Variants in C15orf39 observed in about 807,000 individuals in gnomAD.
C15orf39 encodes PRMT2 interacting protein, also known as uncharacterized protein C15orf39.
A neutral mutation model predicts 53.9 loss-of-function variants in C15orf39; 24 were observed. The ratio of observed to expected loss-of-function variants is 0.45; its 90% CI spans 0.32 to 0.63. The LOEUF (loss-of-function observed/expected upper bound fraction) is 0.63, where lower values mean the gene tolerates loss of function less well. C15orf39 is among the 20% of genes least tolerant of loss of function. The pLI is 0.04. For synonymous variants in C15orf39, 569 were observed against 576.5 expected, an observed-to-expected ratio of 0.99 and a Z score of 0.19; for missense variants, 1,271 against 1,347.9, an observed-to-expected ratio of 0.94 and a Z score of 0.89.
intron 1 of C15orf39, among the ~76,000 whole-genome samples, chr15:75,203,170 C>T (rs1231351087): frequency 6.6e-6 from 1 of 152,258 alleles, no homozygotes; most frequent in Admixed American, 6.5e-5. Flanking sequence ...TCTTCCTGGT[C>T]TTTGCCATCG....
intron 1 of C15orf39, among the ~76,000 whole-genome samples, chr15:75,204,466 T>TTTTTC (rs537607946): frequency 2.8e-4 from 43 of 152,262 alleles, no homozygotes; most frequent in African/African-American, 8.4e-4. Flanking sequence ...TCCCTGGACT[T>TTTTTC]TTTTCTTTTC....
Position 75,208,700 on chromosome 15 carries a change from G to T in C15orf39, c.2652G>T (p.Leu884=). The T allele has an allele frequency of 6.2e-7, 1 of 1,607,264 alleles. No individual in the cohort carries two copies. Residue 884 remains leucine, a synonymous_variant, in exon 2 of 3, where the codon CTG becomes CTT. Transcript: ENST00000394987. ...RPTTLSEERA[L]RELALPGCTS... The stretch of plus-strand genomic sequence containing the variant: ...CCACGCTGTCGGAGGAGCGGGCACT[G>T]CGGGAGCTCGCCCTGCCAGGCTGCA...
chr15:75,208,588 A>T lies in C15orf39; in HGVS notation c.2540A>T (p.His847Leu). 1 of 1,578,638 alleles carries T rather than the reference A, an allele frequency of 6.3e-7. No individual in the cohort carries two copies. The highest frequency in any genetic ancestry group is 8.6e-7 in the Non-Finnish European group (1 of 1,162,874). The change falls in exon 2 of 3, where the codon CAC becomes CTC. Residue 847 changes from histidine to leucine, a missense_variant. This residue lies in a region of C15orf39 where 277 missense variants were observed against 354.1 expected (regional missense o/e 0.78). Transcript: ENST00000394987. The part of the protein sequence containing the change: ...VRAGAIFVPI[H>L]LVKERLFPRL... ...GCTGGCGCCATCTTCGTGCCCATTC[A>T]CCTGGTGAAGGAGCGGCTCTTCCCT... is the stretch of plus-strand genomic sequence containing the variant.
At chr15:75,200,444 GA>G (rs1422155010), upstream of C15orf39, among the ~76,000 whole-genome samples, 1 of 152,176 alleles carries the variant, frequency 6.6e-6, no homozygotes, top group African/African-American at 2.4e-5. Flanking sequence ...CAAGGGCTAA[GA>G]ACACAGCCCT....
At chr15:75,210,180 G>T (rs1245812845) in intron 2 of C15orf39, among the ~76,000 whole-genome samples, 1 of 152,184 alleles carries the variant, frequency 6.6e-6, no homozygotes, top group Non-Finnish European at 1.5e-5. Flanking sequence ...ATTGAGACCA[G>T]GCTTCTGGCT....
chr15:75,207,950 C>A lies in C15orf39; in HGVS notation c.1902C>A (p.Thr634=). ...EAPGLPGVPV[T]TDAMPRTNFH... ...CAGGCTTGCCTGGGGTGCCAGTGAC[C>A]ACAGATGCCATGCCAAGGACCAACT... is the stretch of plus-strand genomic sequence containing the variant. Residue 634 remains threonine, a synonymous_variant, in exon 2 of 3, where the codon ACC becomes ACA. Transcript: ENST00000394987. 1 of 1,613,886 alleles carries A rather than the reference C, an allele frequency of 6.2e-7. No homozygotes were observed. Among genetic ancestry groups the A allele is most frequent in the East Asian group, 2.2e-5 (1 of 44,886 alleles).
At chr15:75,203,994 AG>A (rs201909106) in intron 1 of C15orf39, among the ~76,000 whole-genome samples, 2,910 of 152,206 alleles carry the variant, frequency 0.019, 84 homozygotes, top group African/African-American at 0.065. Context: ...GAGATGAACC[AG>A]CTTGCTTTCT....
chr15:75,208,568 C>T lies in C15orf39; in HGVS notation c.2520C>T (p.Gly840=), dbSNP rs748746702. 6.4e-6 allele frequency: 10 copies of T among 1,573,078 alleles called. No homozygotes were observed. The highest frequency in any genetic ancestry group is 1.7e-4 in the Middle Eastern group (1 of 6,008). ...CCTTCCCCCATGTGGTGCGAGCTGG[C>T]GCCATCTTCGTGCCCATTCACCTGG... ...RCPFPHVVRA[G]AIFVPIHLVK... Residue 840 remains glycine (G), a synonymous_variant, in exon 2 of 3, where the codon GGC becomes GGT. Transcript: ENST00000394987.
Position 75,207,279 on chromosome 15 carries a change from G to A in C15orf39, c.1231G>A (p.Gly411Ser), listed in dbSNP as rs139440190. Residue 411 changes from glycine to serine, a missense_variant, in exon 2 of 3, where the codon GGT becomes AGT. Gly to Ser is a moderately conservative substitution (Grantham distance 56). Coordinates refer to ENST00000394987, the MANE Select transcript of C15orf39 (RefSeq NM_015492.5). The stretch of plus-strand genomic sequence containing the variant: ...CAATGTGCGGGCTGTGCCACAGCCT[G>A]GTGCCTTCCAGAGGGCATGCCAGCC... ...QNNVRAVPQPGAFQRACQPLP... is the reference protein window; with the variant it reads ...QNNVRAVPQPSAFQRACQPLP... 1.5e-5 allele frequency: 25 copies of A among 1,613,202 alleles called. No individual in the cohort carries two copies. Among genetic ancestry groups the A allele is most frequent in the African/African-American group, 8.0e-5 (6 of 74,868 alleles).
rs146168694 is a variant in C15orf39, at chr15:75,207,788, G to A, written c.1740G>A (p.Lys580=). The change falls in exon 2 of 3, where the codon AAG becomes AAA. Residue 580 remains lysine, a synonymous_variant. Coordinates refer to ENST00000394987, the MANE Select transcript of C15orf39 (RefSeq NM_015492.5). ...TAGCCCTGGATTTGAGTGTGAGGAA[G>A]CCCACAGCAGAGGCCTCCCCTGTCA... The part of the protein sequence containing the change: ...EEVALDLSVR[K]PTAEASPVKA... 2.2e-5 allele frequency: 35 copies of A among 1,611,792 alleles called. No homozygotes were observed. In the East Asian group the frequency reaches 5.6e-4, roughly 26 times the overall value.
At chr15:75,210,499 T>A (rs2070475325) in intron 2 of C15orf39, among the ~76,000 whole-genome samples, 1 of 152,178 alleles carries the variant, frequency 6.6e-6, no homozygotes, top group African/African-American at 2.4e-5. Context: ...GCTGAGCCCC[T>A]TTGCTCTCAT....
chr15:75,204,046 G>A (rs2070421888), intron 1 of C15orf39, among the ~76,000 whole-genome samples: 1 of 152,166 alleles, frequency 6.6e-6, no homozygotes, highest in Admixed American at 6.5e-5. Context: ...CCCCACACTA[G>A]CCTTGTGTTT....
In C15orf39 at chr15:75,212,104, A is replaced by T. The variant is rs2070487912; in HGVS notation, c.*988A>T. 1 of 152,220 alleles carries T rather than the reference A, an allele frequency of 6.6e-6. No individual in the cohort carries two copies. Among genetic ancestry groups the T allele is most frequent in the South Asian group, 2.1e-4 (1 of 4,828 alleles). The allele number at this position is 152,220 out of a possible 1,614,324, so 9.4% of individuals were successfully genotyped here. On this transcript the variant is annotated 3_prime_UTR_variant, in exon 3 of 3. Coordinates refer to ENST00000394987, the MANE Select transcript of C15orf39 (RefSeq NM_015492.5). ...GGCTGGCAAGCTCTGGGCCTCATTT[A>T]AGGGATTCTGATGAGCCGATGGGCC...
rs748670802 is a variant in C15orf39 at position 75,207,757 on chromosome 15, A to T, written c.1709A>T (p.Glu570Val). ...AAACCCCTAAGGGGCTCACTTAAGGAGGAGGTAGCCCTGGATTTGAGTGTG... is the reference window on the plus strand; with the variant it reads ...AAACCCCTAAGGGGCTCACTTAAGGTGGAGGTAGCCCTGGATTTGAGTGTG... ...GSKPLRGSLK[E>V]EVALDLSVRK... The change falls in exon 2 of 3, where the codon GAG becomes GTG. Residue 570 changes from glutamate to valine, a missense_variant. Transcript: ENST00000394987. 5 of 1,609,770 alleles carry T rather than the reference A, an allele frequency of 3.1e-6. No individual in the cohort carries two copies. In the East Asian group the frequency reaches 8.9e-5, roughly 29 times the overall value.
rs751754386 is a variant in C15orf39, at chr15:75,206,047, C to T, written c.-2C>T. On this transcript the variant is annotated 5_prime_UTR_variant, in exon 2 of 3. Coordinates refer to ENST00000394987, the MANE Select transcript of C15orf39 (RefSeq NM_015492.5). Reference sequence around the variant, plus strand: ...CTAGGAGGGCTCGAAGCCTTCACAGCGATGGCAGAGAAGCGACCCCTGAGA... The same window carrying T: ...CTAGGAGGGCTCGAAGCCTTCACAGTGATGGCAGAGAAGCGACCCCTGAGA... 15 of 1,593,152 alleles carry T rather than the reference C, an allele frequency of 9.4e-6. No individual in the cohort carries two copies. The highest frequency in any genetic ancestry group is 6.8e-5 in the East Asian group (3 of 44,058).
intron 1 of C15orf39, among the ~76,000 whole-genome samples, chr15:75,204,306 C>T (rs1430983968): frequency 6.6e-6 from 1 of 152,188 alleles, no homozygotes; most frequent in African/African-American, 2.4e-5. Context: ...GAGCCCCTAA[C>T]GGGTTACTGG....
intron 1 of C15orf39, chr15:75,202,293 C>T (rs1288902972): frequency 6.6e-6 from 1 of 152,274 alleles, no homozygotes; most frequent in Admixed American, 6.5e-5. Context: ...TCGAGGCTCC[C>T]GGGACCTGGT....
rs1204949428 is a variant in C15orf39, at chr15:75,207,036, G to A, written c.988G>A (p.Ala330Thr). The A allele has an allele frequency of 1.9e-6, 3 of 1,607,872 alleles. No homozygotes were observed. Among genetic ancestry groups the A allele is most frequent in the East Asian group, 2.2e-5 (1 of 44,840 alleles). The change falls in exon 2 of 3, where the codon GCC (alanine) becomes ACC (threonine). Residue 330 changes from alanine (A) to threonine (T), a missense_variant. Transcript: ENST00000394987. ...LGSPYLRQQA[A>T]QAPYIPPLGL... ...CAGCCCCTACCTGAGGCAGCAGGCAGCCCAGGCACCTTACATTCCCCCACT... is the reference window on the plus strand; with the variant it reads ...CAGCCCCTACCTGAGGCAGCAGGCAACCCAGGCACCTTACATTCCCCCACT...
intron 2 of C15orf39, among the ~76,000 whole-genome samples, chr15:75,210,179 A>AGGCTTCT (rs1446823868): frequency 2.0e-5 from 3 of 152,152 alleles, no homozygotes; most frequent in Admixed American, 6.5e-5. Flanking sequence ...GATTGAGACC[A>AGGCTTCT]GGCTTCTGGC....
Sources: allele counts gnomAD v4.1 joint callset (sites outside exome capture counted in the v4.1 genomes callset), GRCh38; gene constraint gnomAD v4.1.1; regional missense constraint gnomAD v4.1.1; transcripts MANE v1.5; gene names NCBI Gene and HGNC (gene_info 2026-07-23, HGNC 2026-07-21).